KHDRBS2: variants seen among roughly 807,000 people sequenced by gnomAD.
The protein encoded by KHDRBS2 is KH RNA binding domain containing, signal transduction associated 2, also known as KH domain-containing, RNA-binding, signal transduction-associated protein 2.
In KHDRBS2, 26 loss-of-function variants were observed where a neutral mutation model predicts 44.3. That is an observed-to-expected ratio of 0.59 (90% confidence interval 0.43 to 0.81). The LOEUF is 0.81. KHDRBS2 is among the 40% of genes least tolerant of loss of function. KHDRBS2 has a pLI of 0.00. For synonymous variants in KHDRBS2, 194 were observed against 151.1 expected (o/e 1.28, Z -2.08); for missense variants, 476 against 433.1 (o/e 1.10, Z -0.88).
chr6:61,807,354 T>A (rs1160735383), intron 6 of KHDRBS2, among the ~76,000 whole-genome samples: 1 of 152,108 alleles, frequency 6.6e-6, no homozygotes, highest in Non-Finnish European at 1.5e-5. Context: ...CATTATACCA[T>A]AAAGACGTAT....
chr6:61,935,924 A>G (rs1276325828), intron 4 of KHDRBS2, among the ~76,000 whole-genome samples: 2 of 152,118 alleles, frequency 1.3e-5, no homozygotes, highest in Admixed American at 1.3e-4. Context: ...TAATGTTAAA[A>G]TGGAAATTTC....
At chr6:62,122,400 C>A (rs1807874630) in intron 2 of KHDRBS2, among the ~76,000 whole-genome samples, 1 of 152,154 alleles carries the variant, frequency 6.6e-6, no homozygotes, top group African/African-American at 2.4e-5. Context: ...AACTGCCTAT[C>A]ATGAACTGGG....
At chr6:62,224,796 T>C (rs1240545295) in intron 1 of KHDRBS2, among the ~76,000 whole-genome samples, 1 of 152,218 alleles carries the variant, frequency 6.6e-6, no homozygotes, top group African/African-American at 2.4e-5. Context: ...TATATGCTAC[T>C]TGGTGAATAT....
chr6:61,649,049 G>A, the KHDRBS2 span, among the ~76,000 whole-genome samples: 7 of 152,090 alleles, frequency 4.6e-5, no homozygotes, highest in Non-Finnish European at 8.8e-5. Context: ...CTTTACCGGG[G>A]GCTGCTTTGA....
At chr6:61,959,547 A>T (rs1284206584) in intron 4 of KHDRBS2, among the ~76,000 whole-genome samples, 1 of 152,144 alleles carries the variant, frequency 6.6e-6, no homozygotes, top group Non-Finnish European at 1.5e-5. Flanking sequence ...GGAAATTGGA[A>T]AAGTTAATAG....
the KHDRBS2 span, among the ~76,000 whole-genome samples, chr6:61,568,592 A>C: frequency 6.6e-6 from 1 of 150,794 alleles, no homozygotes; most frequent in African/African-American, 2.5e-5. Context: ...TGACTTCCCA[A>C]AATGTGAGAG....
chr6:62,277,282 C>A (rs1365537649), intron 1 of KHDRBS2, among the ~76,000 whole-genome samples: 1 of 151,852 alleles, frequency 6.6e-6, no homozygotes, highest in Non-Finnish European at 1.5e-5. Flanking sequence ...ACATTTGATA[C>A]TTCATTTATT....
intron 1 of KHDRBS2, among the ~76,000 whole-genome samples, chr6:62,203,540 G>T (rs1827398155): frequency 6.6e-6 from 1 of 152,084 alleles, no homozygotes; most frequent in Admixed American, 6.6e-5. Flanking sequence ...GAATGAGTGT[G>T]CATCTTGTGG....
chr6:61,718,087 T>A (rs1341453000), intron 7 of KHDRBS2, among the ~76,000 whole-genome samples: 1 of 152,076 alleles, frequency 6.6e-6, no homozygotes, highest in Non-Finnish European at 1.5e-5. Context: ...TCATATGTTG[T>A]TGCAGGGATT....
At chr6:62,068,742 T>C (rs2127341958) in intron 2 of KHDRBS2, among the ~76,000 whole-genome samples, 1 of 151,702 alleles carries the variant, frequency 6.6e-6, no homozygotes, top group African/African-American at 2.4e-5. Context: ...GTACCATTTG[T>C]TGAAAACACT....
chr6:62,135,836 T>C (rs1811398647), intron 2 of KHDRBS2, among the ~76,000 whole-genome samples: 1 of 151,998 alleles, frequency 6.6e-6, no homozygotes, highest in South Asian at 2.1e-4. Flanking sequence ...TACAGCATAG[T>C]CTTTTTCACA....
At chr6:61,774,219 A>G (rs1781531349) in intron 6 of KHDRBS2, among the ~76,000 whole-genome samples, 1 of 152,090 alleles carries the variant, frequency 6.6e-6, no homozygotes, top group African/African-American at 2.4e-5. Flanking sequence ...CATTGAATCT[A>G]TAAATTACTT....
intron 1 of KHDRBS2, among the ~76,000 whole-genome samples, chr6:62,234,338 C>T (rs1026212937): frequency 1.3e-5 from 2 of 152,062 alleles, no homozygotes; most frequent in African/African-American, 4.8e-5. Flanking sequence ...AATTACAGCA[C>T]AATTTTGTTA....
the KHDRBS2 span, among the ~76,000 whole-genome samples, chr6:61,600,460 A>T: frequency 6.6e-6 from 1 of 152,016 alleles, no homozygotes; most frequent in Admixed American, 6.6e-5. Flanking sequence ...GCCAGAGAAC[A>T]ACCCCCTTTG....
chr6:61,625,499 T>C, the KHDRBS2 span, among the ~76,000 whole-genome samples: 2 of 151,768 alleles, frequency 1.3e-5, no homozygotes, highest in African/African-American at 4.8e-5. Flanking sequence ...ACAGTGTTCA[T>C]GTAAAGTTCA....
intron 8 of KHDRBS2, among the ~76,000 whole-genome samples, chr6:61,685,802 G>C (rs1410864432): frequency 1.3e-5 from 2 of 151,694 alleles, no homozygotes; most frequent in East Asian, 3.9e-4. Flanking sequence ...TCTGCAGTGG[G>C]ACCAGGTACC....
intron 7 of KHDRBS2, among the ~76,000 whole-genome samples, chr6:61,711,707 T>C (rs1174698569): frequency 6.6e-6 from 1 of 151,768 alleles, no homozygotes; most frequent in Non-Finnish European, 1.5e-5. Context: ...TATCTCAAGA[T>C]CACTGAGCCC....
the KHDRBS2 span, among the ~76,000 whole-genome samples, chr6:61,658,850 C>T: frequency 2.0e-3 from 302 of 149,364 alleles, 3 homozygotes; most frequent in African/African-American, 7.0e-3. Context: ...TTGTTCTTTG[C>T]AGTATACAGA....
chr6:61,576,438 G>A, the KHDRBS2 span, among the ~76,000 whole-genome samples: 1,976 of 152,164 alleles, frequency 0.013, 18 homozygotes, highest in Middle Eastern at 0.027. Context: ...AAACTTTACT[G>A]AATTCATTAA....
Sources: gnomAD v4.1 joint callset for allele counts (sites outside exome capture counted in the v4.1 genomes callset) on GRCh38, gnomAD v4.1.1 for gene constraint, MANE v1.5 for transcripts, NCBI Gene and HGNC (gene_info 2026-07-23, HGNC 2026-07-21) for gene names.